The following RAB3GAP2 variants were observed in gnomAD, a reference collection of about 807,000 sequenced individuals.
RAB3GAP2 encodes the protein RAB3 GTPase activating non-catalytic protein subunit 2, also known as rab3 GTPase-activating protein non-catalytic subunit.
In RAB3GAP2, 87 loss-of-function variants were observed where a neutral mutation model predicts 185.3. That is an observed-to-expected ratio of 0.47 (90% CI 0.39 to 0.56). The LOEUF is 0.56. RAB3GAP2 is among the 20% of genes least tolerant of loss of function. The pLI is 0.00. For synonymous variants in RAB3GAP2, 554 were observed against 576.1 expected (o/e 0.96, Z 0.55); for missense variants, 1,492 against 1,638.2 (o/e 0.91, Z 1.54).
At position 220,267,464 on chromosome 1, in the gene RAB3GAP2, C is replaced by T. The variant is rs1660249409; in HGVS notation, c.115+4759G>A. 3.6e-6 allele frequency: 5 copies of T among 1,404,134 alleles called. No homozygotes were observed. The Admixed American group carries it at 8.4e-5, about 24-fold the overall frequency. 87.0% of individuals were successfully genotyped at this position (1,404,134 alleles called of 1,614,324 possible). The stretch of plus-strand genomic sequence containing the variant: ...GCCAGAATAAACTTGCTTTGTTTTT[C>T]TCTTGCCAAATAAACATTACCAAAC... On this transcript the variant is annotated intron_variant, in intron 1 of 34. Transcript: ENST00000358951.
At chr1:220,173,274 T>A (rs1356454005) in intron 21 of RAB3GAP2, among the ~76,000 whole-genome samples, 4 of 152,204 alleles carry the variant, frequency 2.6e-5, no homozygotes, top group African/African-American at 9.6e-5. Flanking sequence ...TAAGTCAACA[T>A]AAGTGACTTT....
chr1:220,235,281 G>A (rs1285952570), intron 1 of RAB3GAP2, among the ~76,000 whole-genome samples: 1 of 152,108 alleles, frequency 6.6e-6, no homozygotes, highest in Non-Finnish European at 1.5e-5. Context: ...ATTCAATTAA[G>A]CAATCTCTTT....
intron 12 of RAB3GAP2, 33 bp from the exon 13 acceptor site, chr1:220,193,412 C>G: frequency 6.2e-7 from 1 of 1,603,402 alleles, no homozygotes; most frequent in South Asian, 1.1e-5. Context: ...ATGCTCAAAT[C>G]ACATTCCAGT....
chr1:220,262,274 C>G (rs568770958), intron 1 of RAB3GAP2, among the ~76,000 whole-genome samples: 24 of 152,142 alleles, frequency 1.6e-4, no homozygotes, highest in African/African-American at 5.5e-4. Flanking sequence ...GCACTCCAGC[C>G]TGGGCGACAG....
At position 220,175,486 on chromosome 1, in the gene RAB3GAP2, G is replaced by T. The variant is rs370720829; in HGVS notation, c.2311-2744C>A. Among the ~76,000 whole-genome samples the T allele has an allele frequency of 3.9e-5, 6 of 152,222 alleles. No homozygotes were observed. The East Asian group carries it at 1.2e-3, about 29-fold the overall frequency. On this transcript the variant is annotated intron_variant, in intron 21 of 34. Coordinates refer to ENST00000358951, the MANE Select transcript of RAB3GAP2 (RefSeq NM_012414.4). ...CCCGCCTTGGCCTCCCAAAGTGCTGGGATTACAGGCGTGAGCCACTGCGCC... is the reference window on the plus strand; with the variant it reads ...CCCGCCTTGGCCTCCCAAAGTGCTGTGATTACAGGCGTGAGCCACTGCGCC...
chr1:220,186,196 T>G (rs763944574), intron 17 of RAB3GAP2, among the ~76,000 whole-genome samples: 13 of 152,140 alleles, frequency 8.5e-5, no homozygotes, highest in Non-Finnish European at 1.2e-4. Flanking sequence ...CCCTGCTAGA[T>G]GAATACAGTA....
At chr1:220,253,921 C>A in intron 1 of RAB3GAP2, 1 of 1,613,636 alleles carries the variant, frequency 6.2e-7, no homozygotes, top group Non-Finnish European at 8.5e-7. Context: ...ACAGAAAACA[C>A]CTGGAAATGG....
In RAB3GAP2 at chr1:220,164,791, A is replaced by C. The variant is rs1443499377; in HGVS notation, c.3096T>G (p.Arg1032=). The change falls in exon 27 of 35, where the codon CGT becomes CGG. Residue 1032 remains arginine, a synonymous_variant. Transcript: ENST00000358951. ...VQWNKDPEEA[R]FFVRSIEHLK... The stretch of plus-strand genomic sequence containing the variant: ...AGTGTTCTATTGACCTAACAAAAAA[A>C]CGTGCTTCCTTACATACAGGGAGAA... The C allele has an allele frequency of 2.5e-6, 4 of 1,608,500 alleles. No homozygotes were observed. The highest frequency in any genetic ancestry group is 2.5e-6 in the Non-Finnish European group (3 of 1,176,556).
At chr1:220,161,196 G>A (rs1188722055) in intron 28 of RAB3GAP2, among the ~76,000 whole-genome samples, 1 of 152,176 alleles carries the variant, frequency 6.6e-6, no homozygotes, top group African/African-American at 2.4e-5. Context: ...GATGAGCACA[G>A]AGGAAAGAAT....
Position 220,167,355 on chromosome 1 carries a change from G to A in RAB3GAP2, c.3025C>T (p.Leu1009Phe). 1.9e-6 allele frequency: 3 copies of A among 1,614,164 alleles called. No individual in the cohort carries two copies. Among genetic ancestry groups the A allele is most frequent in the Non-Finnish European group, 2.5e-6 (3 of 1,180,020 alleles). The change falls in exon 26 of 35, where the codon CTC (leucine) becomes TTC (phenylalanine). Residue 1009 changes from leucine to phenylalanine, a missense_variant. By Grantham distance (22) the Leu-to-Phe change is conservative (BLOSUM62 0). Transcript: ENST00000358951. ...CAGCAATGTGCATGCAAGACATCGA[G>A]CTCAAGGCTACAAGGAAACTGCTCA... ...AYEQFPCSLE[L>F]DVLHAHCCWE... is the part of the protein sequence containing the mutation.
At chr1:220,245,806 A>G (rs938444925) in intron 1 of RAB3GAP2, among the ~76,000 whole-genome samples, 4 of 152,280 alleles carry the variant, frequency 2.6e-5, no homozygotes, top group East Asian at 1.9e-4. Flanking sequence ...TCTCCCAGCA[A>G]GCAGCTGGAG....
intron 32 of RAB3GAP2, 144 bp downstream of exon 32, chr1:220,153,824 T>G (rs1046297965): frequency 9.5e-7 from 1 of 1,052,344 alleles, no homozygotes; most frequent in African/African-American, 1.6e-5. Context: ...ATTGTTCAAC[T>G]CCCACCTATG....
chr1:220,167,774 C>T (rs983893951), intron 24 of RAB3GAP2, 99 bp from the exon 25 acceptor site: 21 of 1,258,592 alleles, frequency 1.7e-5, no homozygotes, highest in African/African-American at 1.5e-5. Flanking sequence ...CTAAGTGCCA[C>T]ATTCATTTCT....
chr1:220,195,312 T>C lies in RAB3GAP2; in HGVS notation c.1026A>G (p.Leu342=). Residue 342 remains leucine, a synonymous_variant, in exon 11 of 35, where the codon TTA becomes TTG. Coordinates refer to ENST00000358951, the MANE Select transcript of RAB3GAP2 (RefSeq NM_012414.4). ...TAAGTAATTACCTGGCAGCATTAAATAAAGCAGAAGTGAGTTTACTTGCAA... is the reference window on the plus strand; with the variant it reads ...TAAGTAATTACCTGGCAGCATTAAACAAAGCAGAAGTGAGTTTACTTGCAA... ...LAVASKLTSA[L]FNAASGWLGW... is the part of the protein sequence containing the mutation. The C allele has an allele frequency of 6.2e-7, 1 of 1,610,760 alleles. No individual in the cohort carries two copies. Among genetic ancestry groups the C allele is most frequent in the Non-Finnish European group, 8.5e-7 (1 of 1,176,924 alleles).
intron 2 of RAB3GAP2, chr1:220,219,717 G>A (rs1659266486): frequency 1.3e-5 from 2 of 152,204 alleles, no homozygotes; most frequent in African/African-American, 4.8e-5. Flanking sequence ...TCAAGTCTAA[G>A]CACAAATAAC....
chr1:220,167,925 G>A (rs1658102299), intron 24 of RAB3GAP2, among the ~76,000 whole-genome samples: 1 of 152,110 alleles, frequency 6.6e-6, no homozygotes. Context: ...AAATATAAAT[G>A]CACATGCATA....
intron 33 of RAB3GAP2, 132 bp downstream of exon 33, chr1:220,153,050 ATTG>A (rs1651370252): frequency 1.4e-5 from 10 of 720,322 alleles, no homozygotes; most frequent in South Asian, 1.1e-4. Context: ...AAAATATTCT[ATTG>A]TTCTATTTTT....
At chr1:220,231,772 T>C (rs1659505128) in intron 2 of RAB3GAP2, among the ~76,000 whole-genome samples, 2 of 152,236 alleles carry the variant, frequency 1.3e-5, no homozygotes, top group African/African-American at 4.8e-5. Flanking sequence ...GAAAGAGTCA[T>C]GAAAAGCCCA....
intron 1 of RAB3GAP2, among the ~76,000 whole-genome samples, chr1:220,234,620 G>A (rs1659560169): frequency 6.6e-6 from 1 of 152,196 alleles, no homozygotes; most frequent in Non-Finnish European, 1.5e-5. Context: ...GGCAAATCCT[G>A]TAGTAGGAGC....
Sources: allele counts gnomAD v4.1 joint callset (sites outside exome capture counted in the v4.1 genomes callset), GRCh38; gene constraint gnomAD v4.1.1; transcripts MANE v1.5; gene names NCBI Gene and HGNC (gene_info 2026-07-23, HGNC 2026-07-21).